Variants in MPP7 observed in about 807,000 individuals in gnomAD.
MPP7 encodes the protein MAGUK p55 subfamily member 7.
In MPP7, 60 loss-of-function variants were observed where a neutral mutation model predicts 76.5. The ratio of observed to expected loss-of-function variants is 0.78; its 90% CI spans 0.64 to 0.97. MPP7 has a LOEUF of 0.97. MPP7 is among the 50% of genes least tolerant of loss of function. The pLI is 0.00. For synonymous variants in MPP7, 237 were observed against 244.5 expected, an observed-to-expected ratio of 0.97 and a Z score of 0.29; for missense variants, 641 against 694.0, an observed-to-expected ratio of 0.92 and a Z score of 0.86.
chr10:28,109,377 G>A (rs1359467071), intron 11 of MPP7, among the ~76,000 whole-genome samples: 1 of 152,056 alleles, frequency 6.6e-6, no homozygotes, highest in Non-Finnish European at 1.5e-5. Context: ...AATTAACTAG[G>A]TAATTAGAAA....
chr10:28,324,243 G>A (rs1834391303), intron 2 of MPP7, among the ~76,000 whole-genome samples: 1 of 152,204 alleles, frequency 6.6e-6, no homozygotes, highest in Admixed American at 6.5e-5. Flanking sequence ...AGGGCACAGA[G>A]AGAAGACGTT....
chr10:28,118,664 T>G (rs2133599194), intron 11 of MPP7: 1 of 985,412 alleles, frequency 1.0e-6, no homozygotes. Context: ...GTTTTTTTCC[T>G]TGTGCCTAGA....
intron 12 of MPP7, among the ~76,000 whole-genome samples, chr10:28,083,879 G>A (rs767786142): frequency 3.0e-4 from 45 of 152,150 alleles, no homozygotes; most frequent in Middle Eastern, 3.4e-3. Flanking sequence ...AATACAATTC[G>A]CCTGAAGAGA....
Position 28,079,415 on chromosome 10 carries a change from G to A in MPP7, c.1124-9563C>T, listed in dbSNP as rs186712177. Among the ~76,000 whole-genome samples the A allele has an allele frequency of 3.9e-3, 594 of 151,602 alleles. 6 individuals are homozygous for A. Among genetic ancestry groups the A allele is most frequent in the African/African-American group, 0.014 (583 of 41,378 alleles). ...CACCTGTAATCCCAGTTACTTGGGA[G>A]GCTGAGACAGGAAGATCACCTGAGA... is the stretch of plus-strand genomic sequence containing the variant. On this transcript the variant is annotated intron_variant, in intron 12 of 16. Coordinates refer to ENST00000683449, the MANE Select transcript of MPP7 (RefSeq NM_001318170.2).
Position 28,051,124 on chromosome 10 carries a change from T to A in MPP7, c.*2941A>T, listed in dbSNP as rs1309230709. On this transcript the variant is annotated 3_prime_UTR_variant, in exon 17 of 17. Coordinates refer to ENST00000683449, the MANE Select transcript of MPP7 (RefSeq NM_001318170.2). ...AATGGAATAGATCACAATAGTAGTATAATAAAATAGAATATCCAAGTGCAA... is the reference window on the plus strand; with the variant it reads ...AATGGAATAGATCACAATAGTAGTAAAATAAAATAGAATATCCAAGTGCAA... The A allele has an allele frequency of 6.6e-6, 1 of 152,234 alleles. No homozygotes were observed. Among genetic ancestry groups the A allele is most frequent in the Non-Finnish European group, 1.5e-5 (1 of 68,040 alleles). 9.4% of individuals were successfully genotyped at this position (152,234 alleles called of 1,614,324 possible). A position where few individuals can be genotyped will look rare whatever the true frequency, so the allele number is the denominator to read the frequency against.
chr10:28,108,768 G>T (rs1834405863), intron 11 of MPP7, among the ~76,000 whole-genome samples: 1 of 152,092 alleles, frequency 6.6e-6, no homozygotes, highest in Non-Finnish European at 1.5e-5. Context: ...CCTGGATGTG[G>T]CAAGAGTGGG....
chr10:28,198,779 T>G (rs1359920449), intron 3 of MPP7, among the ~76,000 whole-genome samples: 1 of 151,800 alleles, frequency 6.6e-6, no homozygotes, highest in Non-Finnish European at 1.5e-5. Flanking sequence ...AGAAATGAGG[T>G]TGGGATACAA....
chr10:28,306,336 T>A (rs141296549), upstream of MPP7, among the ~76,000 whole-genome samples: 31 of 152,162 alleles, frequency 2.0e-4, no homozygotes, highest in African/African-American at 6.8e-4. Flanking sequence ...TTCACCCTAA[T>A]AGAGGACAGA....
chr10:28,065,117 A>G lies in MPP7; in HGVS notation c.1204+4655T>C, dbSNP rs183564250. Among the ~76,000 whole-genome samples the G allele has an allele frequency of 3.3e-5, 5 of 152,312 alleles. No homozygotes were observed. The East Asian group carries it at 9.6e-4, about 29-fold the overall frequency. On this transcript the variant is annotated intron_variant, in intron 13 of 16. Transcript: ENST00000683449. ...AGTAAAAAGTATTGTTGAAAATCAA[A>G]TTGAGAATTTTCTGTGCATTGATTT...
At chr10:28,262,275 A>T (rs55984609) in intron 1 of MPP7, among the ~76,000 whole-genome samples, 8,607 of 24,458 alleles carry the variant, frequency 0.35, 1,741 homozygotes, top group Middle Eastern at 0.5. Context: ...ATATATATAT[A>T]TATTTTTTTT....
chr10:28,334,521 C>A (rs1355716772), upstream of MPP7: 1 of 152,118 alleles, frequency 6.6e-6, no homozygotes, highest in Non-Finnish European at 1.5e-5. Flanking sequence ...CTGTTGACCT[C>A]AATGTTCTTG....
At chr10:28,262,842 G>A (rs898964431) in intron 1 of MPP7, among the ~76,000 whole-genome samples, 7 of 152,104 alleles carry the variant, frequency 4.6e-5, no homozygotes, top group South Asian at 4.1e-4. Context: ...GATCATTTGA[G>A]GTCAGGAGTT....
At chr10:28,262,462 A>G (rs990051046) in intron 1 of MPP7, among the ~76,000 whole-genome samples, 1 of 151,466 alleles carries the variant, frequency 6.6e-6, no homozygotes, top group African/African-American at 2.4e-5. Flanking sequence ...AAAGAGGCAC[A>G]ATGCATTAAG....
In MPP7 at chr10:28,131,698, T is replaced by C. The variant is rs1223150382; in HGVS notation, c.316-7A>G. The C allele has an allele frequency of 2.0e-5, 30 of 1,531,456 alleles. No homozygotes were observed. Among genetic ancestry groups the C allele is most frequent in the Non-Finnish European group, 2.6e-5 (29 of 1,132,808 alleles). The allele number at this position is 1,531,456 out of a possible 1,614,324, so 94.9% of individuals were successfully genotyped here. On this transcript the variant is annotated splice_polypyrimidine_tract_variant and splice_region_variant and intron_variant, in intron 5 of 16. Coordinates refer to ENST00000683449, the MANE Select transcript of MPP7 (RefSeq NM_001318170.2). ...CATGTACAGAGAGCAAAGCCTGTAA[T>C]ATTCAAAGGTTGATTTAAATAAGTA... is the stretch of plus-strand genomic sequence containing the variant.
chr10:28,134,644 A>G (rs1325618057), intron 5 of MPP7, among the ~76,000 whole-genome samples: 5 of 152,194 alleles, frequency 3.3e-5, no homozygotes, highest in African/African-American at 1.2e-4. Context: ...ATTTTTGAGA[A>G]GTGATGAGAG....
chr10:28,306,396 A>G (rs1841255975), upstream of MPP7, among the ~76,000 whole-genome samples: 1 of 152,324 alleles, frequency 6.6e-6, no homozygotes, highest in South Asian at 2.1e-4. Context: ...CATGCCCATA[A>G]TCTCAACAAC....
chr10:28,221,693 C>T (rs940605463), intron 2 of MPP7, among the ~76,000 whole-genome samples: 69 of 152,114 alleles, frequency 4.5e-4, no homozygotes, highest in African/African-American at 1.6e-3. Context: ...TTCTACAACC[C>T]CTAAATTTGT....
At chr10:28,145,020 T>G (rs1835658401) in intron 5 of MPP7, among the ~76,000 whole-genome samples, 1 of 152,138 alleles carries the variant, frequency 6.6e-6, no homozygotes, top group Non-Finnish European at 1.5e-5. Context: ...TTCACACAAT[T>G]CTCCTGCCTC....
chr10:28,269,120 A>G (rs1274372500), intron 1 of MPP7, among the ~76,000 whole-genome samples: 2 of 152,198 alleles, frequency 1.3e-5, no homozygotes, highest in Admixed American at 6.5e-5. Context: ...CCATGGATTC[A>G]GTGTGATATA....
Sources: allele counts gnomAD v4.1 joint callset (sites outside exome capture counted in the v4.1 genomes callset), GRCh38; gene constraint gnomAD v4.1.1; transcripts MANE v1.5; gene names NCBI Gene and HGNC (gene_info 2026-07-23, HGNC 2026-07-21).